MECOM: variants seen among roughly 807,000 people sequenced by gnomAD.
MECOM encodes the protein MDS1 and EVI1 complex locus.
A neutral mutation model predicts 116.3 loss-of-function variants in MECOM; 13 were observed. The observed-to-expected ratio is 0.11, with a 90% confidence interval of 0.07 to 0.18. The LOEUF is 0.18. Among genes scored for constraint, MECOM ranks in the 10% least tolerant of loss-of-function variants. The probability of loss-of-function intolerance (pLI) is 1.00; values close to 1 mark genes in which losing one functional copy is unlikely to be tolerated. For missense variants in MECOM, 1,299 were observed against 1,509.0 expected (o/e 0.86, Z 2.31); for synonymous variants, 528 against 535.2 (o/e 0.99, Z 0.19).
intron 1 of MECOM, among the ~76,000 whole-genome samples, chr3:169,554,324 C>T (rs1761777032): frequency 6.6e-6 from 1 of 152,188 alleles, no homozygotes; most frequent in Non-Finnish European, 1.5e-5. Context: ...CTGAGATTTG[C>T]TTATTACAGC....
At chr3:169,187,883 C>T (rs1746985421) in intron 2 of MECOM, among the ~76,000 whole-genome samples, 1 of 152,088 alleles carries the variant, frequency 6.6e-6, no homozygotes, top group Non-Finnish European at 1.5e-5. Context: ...ATTAGACGCA[C>T]ACTGGGGCTG....
chr3:169,455,208 T>C (rs1746274213), intron 1 of MECOM, among the ~76,000 whole-genome samples: 1 of 152,150 alleles, frequency 6.6e-6, no homozygotes, highest in African/African-American at 2.4e-5. Flanking sequence ...GATAGATAGG[T>C]ATGGATCTGT....
chr3:169,492,248 A>C (rs903173795), intron 1 of MECOM, among the ~76,000 whole-genome samples: 1 of 152,246 alleles, frequency 6.6e-6, no homozygotes, highest in Non-Finnish European at 1.5e-5. Context: ...AGAAAGAATT[A>C]GCTTTCAATG....
intron 1 of MECOM, among the ~76,000 whole-genome samples, chr3:169,591,140 T>C (rs1479032672): frequency 2.6e-5 from 4 of 152,154 alleles, no homozygotes. Flanking sequence ...TCATCGAGAA[T>C]AGAAAACTCC....
chr3:169,416,454 C>T lies in MECOM; in HGVS notation c.38-34930G>A, dbSNP rs186458412. ...ATCTAAAATTGACACCCTAATGTCA[C>T]AATTAAAAGAACTAGAGAAGCAAGA... On this transcript the variant is annotated intron_variant, in intron 1 of 16. Transcript: ENST00000651503. Among the ~76,000 whole-genome samples, 257 of 151,890 alleles carry T rather than the reference C, an allele frequency of 1.7e-3. 2 individuals are homozygous for T. The highest frequency in any genetic ancestry group is 3.4e-3 in the Non-Finnish European group (232 of 67,942).
At chr3:169,137,423 T>C (rs543368000) in intron 3 of MECOM, among the ~76,000 whole-genome samples, 1 of 152,232 alleles carries the variant, frequency 6.6e-6, no homozygotes, top group Non-Finnish European at 1.5e-5. Context: ...TTATACATTC[T>C]GAGCCTAATT....
chr3:169,199,265 AG>A (rs1354120696), intron 2 of MECOM, among the ~76,000 whole-genome samples: 1 of 152,090 alleles, frequency 6.6e-6, no homozygotes, highest in African/African-American at 2.4e-5. Flanking sequence ...CTCTTCCGTC[AG>A]CACCCCAGCA....
At chr3:169,457,840 T>C (rs895514090) in intron 1 of MECOM, among the ~76,000 whole-genome samples, 7 of 152,230 alleles carry the variant, frequency 4.6e-5, no homozygotes, top group Non-Finnish European at 1.0e-4. Context: ...AGCAAATGTG[T>C]CTGTATTGTT....
chr3:169,504,675 G>T (rs1252126095), intron 1 of MECOM, among the ~76,000 whole-genome samples: 1 of 152,048 alleles, frequency 6.6e-6, no homozygotes, highest in Non-Finnish European at 1.5e-5. Flanking sequence ...GAGACTTGTG[G>T]GATGCTATCA....
At chr3:169,181,923 G>A (rs528886554) in intron 2 of MECOM, among the ~76,000 whole-genome samples, 2 of 152,186 alleles carry the variant, frequency 1.3e-5, no homozygotes, top group South Asian at 2.1e-4. Flanking sequence ...TGTCTTTTTT[G>A]CAGGTTATTA....
intron 1 of MECOM, among the ~76,000 whole-genome samples, chr3:169,491,016 C>A (rs1753027564): frequency 6.6e-6 from 1 of 151,944 alleles, no homozygotes; most frequent in African/African-American, 2.4e-5. Flanking sequence ...ATACCACTAT[C>A]CCCAGTTAAC....
chr3:169,351,648 A>G (rs1278195347), intron 2 of MECOM, among the ~76,000 whole-genome samples: 1 of 151,850 alleles, frequency 6.6e-6, no homozygotes, highest in Non-Finnish European at 1.5e-5. Context: ...TTATTAAAAT[A>G]TGTAATCTTA....
intron 1 of MECOM, chr3:169,389,584 A>T (rs1187089309): frequency 1.0e-6 from 1 of 985,200 alleles, no homozygotes; most frequent in Non-Finnish European, 1.2e-6. Flanking sequence ...TTTTCTTCAT[A>T]AGCTTTCTAT....
intron 1 of MECOM, among the ~76,000 whole-genome samples, chr3:169,595,693 T>C (rs1243809208): frequency 1.3e-5 from 2 of 152,208 alleles, no homozygotes; most frequent in South Asian, 2.1e-4. Context: ...TTACACTTAA[T>C]ACAGTTAACT....
At chr3:169,232,582 TG>T (rs1195274772) in intron 2 of MECOM, among the ~76,000 whole-genome samples, 2 of 151,844 alleles carry the variant, frequency 1.3e-5, no homozygotes, top group African/African-American at 4.8e-5. Flanking sequence ...AGAAATGAGT[TG>T]CAGAGGGAGT....
chr3:169,526,240 C>T (rs1278843481), intron 1 of MECOM, among the ~76,000 whole-genome samples: 3 of 152,040 alleles, frequency 2.0e-5, no homozygotes, highest in East Asian at 1.9e-4. Flanking sequence ...TCCAGATAGG[C>T]GTTTGAGTAA....
intron 1 of MECOM, among the ~76,000 whole-genome samples, chr3:169,638,640 C>T (rs529713817): frequency 1.8e-4 from 27 of 152,302 alleles, no homozygotes; most frequent in African/African-American, 6.5e-4. Flanking sequence ...ACATCTGCTT[C>T]AGCACAAATC....
chr3:169,644,663 T>C (rs1405886829), intron 1 of MECOM, among the ~76,000 whole-genome samples: 1 of 152,196 alleles, frequency 6.6e-6, no homozygotes, highest in African/African-American at 2.4e-5. Context: ...AATTGAACCA[T>C]CATATTCCTT....
intron 1 of MECOM, among the ~76,000 whole-genome samples, chr3:169,621,537 A>T (rs1024949688): frequency 1.3e-5 from 2 of 152,158 alleles, no homozygotes; most frequent in South Asian, 2.1e-4. Context: ...CGGGCAGATT[A>T]CCTGAGGTCA....
Sources: allele counts gnomAD v4.1 joint callset (sites outside exome capture counted in the v4.1 genomes callset), GRCh38; gene constraint gnomAD v4.1.1; transcripts MANE v1.5; gene names NCBI Gene and HGNC (gene_info 2026-07-23, HGNC 2026-07-21).